ULK4: variants seen among roughly 807,000 people sequenced by gnomAD.
ULK4 encodes unc-51 like kinase 4.
In ULK4, 133 loss-of-function variants were observed where a neutral mutation model predicts 160.6. That is an observed-to-expected ratio of 0.83 (90% CI 0.72 to 0.96). ULK4 has a LOEUF of 0.96. Among genes scored for constraint, ULK4 ranks in the 40% least tolerant of loss-of-function variants. ULK4 has a pLI of 0.00. For synonymous variants in ULK4, 534 were observed against 539.8 expected, an observed-to-expected ratio of 0.99 and a Z score of 0.15; for missense variants, 1,580 against 1,499.5, an observed-to-expected ratio of 1.05 and a Z score of -0.89.
intron 30 of ULK4, among the ~76,000 whole-genome samples, chr3:41,626,699 T>C (rs2033527654): frequency 6.6e-6 from 1 of 152,090 alleles, no homozygotes; most frequent in Non-Finnish European, 1.5e-5. Flanking sequence ...TAATTTTTTT[T>C]GTACTTTTAG....
chr3:41,785,170 AC>A (rs2039964421), intron 21 of ULK4, among the ~76,000 whole-genome samples: 1 of 152,224 alleles, frequency 6.6e-6, no homozygotes, highest in Admixed American at 6.5e-5. Flanking sequence ...ATGAGTAGCA[AC>A]CAAAAAACAG....
chr3:41,611,035 G>C (rs2032649902), intron 31 of ULK4, among the ~76,000 whole-genome samples: 1 of 152,140 alleles, frequency 6.6e-6, no homozygotes, highest in Non-Finnish European at 1.5e-5. Flanking sequence ...AAAAAGTAGA[G>C]AGAAAAAATA....
chr3:41,882,001 ACAG>A, intron 17 of ULK4: 1 of 532,916 alleles, frequency 1.9e-6, no homozygotes, highest in Admixed American at 3.6e-5. Flanking sequence ...AGCAGCAGCA[ACAG>A]CAAGTACCAG....
At chr3:41,702,431 C>A (rs1207148089) in intron 27 of ULK4, among the ~76,000 whole-genome samples, 1 of 152,196 alleles carries the variant, frequency 6.6e-6, no homozygotes, top group Non-Finnish European at 1.5e-5. Context: ...AGGCATGAGT[C>A]ATCCCGCCTG....
intron 32 of ULK4, among the ~76,000 whole-genome samples, chr3:41,473,656 T>G: frequency 1.0e-5 from 1 of 99,038 alleles, no homozygotes; most frequent in Non-Finnish European, 1.8e-5. Flanking sequence ...AATGAGATTC[T>G]GTCTCAAAGA....
intron 32 of ULK4, among the ~76,000 whole-genome samples, chr3:41,513,160 A>T (rs2085644531): frequency 6.6e-6 from 1 of 152,208 alleles, no homozygotes; most frequent in Admixed American, 6.5e-5. Flanking sequence ...AGATGGATCA[A>T]AGACTTAAAT....
chr3:41,959,538 AT>A (rs759594233), intron 1 of ULK4, among the ~76,000 whole-genome samples: 1 of 117,080 alleles, frequency 8.5e-6, no homozygotes, highest in Non-Finnish European at 2.0e-5. Flanking sequence ...AATAATAATA[AT>A]TAATTAATTA....
intron 21 of ULK4, among the ~76,000 whole-genome samples, chr3:41,771,183 T>C (rs1008590817): frequency 1.3e-5 from 2 of 152,338 alleles, no homozygotes; most frequent in South Asian, 2.1e-4. Flanking sequence ...TTGTCAATTA[T>C]AAAATACCAC....
chr3:41,663,935 GT>G (rs2035269898), intron 29 of ULK4, among the ~76,000 whole-genome samples: 2 of 152,248 alleles, frequency 1.3e-5, no homozygotes, highest in South Asian at 4.1e-4. Context: ...AAACAACTCA[GT>G]AGTTGTCCTC....
intron 35 of ULK4, among the ~76,000 whole-genome samples, chr3:41,270,429 C>G (rs1559497551): frequency 6.6e-6 from 1 of 152,098 alleles, no homozygotes; most frequent in Non-Finnish European, 1.5e-5. Flanking sequence ...GGGTCTGGGT[C>G]CTTAGAGTCA....
rs149795222 is a variant in ULK4, at chr3:41,947,971, T to C, written c.138+6651A>G. Reference sequence around the variant, plus strand: ...CAGGAATAAGGCAAACAGAAAACAGTGGCCTTTCTATATCCATTAAAACTC... The same window carrying C: ...CAGGAATAAGGCAAACAGAAAACAGCGGCCTTTCTATATCCATTAAAACTC... On this transcript the variant is annotated intron_variant, in intron 2 of 36. Coordinates refer to ENST00000301831, the MANE Select transcript of ULK4 (RefSeq NM_017886.4). 3.1e-3 allele frequency among the ~76,000 whole-genome samples: 475 copies of C among 152,258 alleles called. 1 individual carries two copies. The highest frequency in any genetic ancestry group is 0.011 in the African/African-American group (451 of 41,552).
At chr3:41,809,886 A>G (rs1440497433) in intron 19 of ULK4, among the ~76,000 whole-genome samples, 1 of 152,222 alleles carries the variant, frequency 6.6e-6, no homozygotes, top group Non-Finnish European at 1.5e-5. Context: ...AATGTGAGGA[A>G]CATTAAATGA....
chr3:41,920,033 A>G lies in ULK4; in HGVS notation c.542-215T>C, dbSNP rs375093362. ...GAATATAAAAAAGTGTTTAAAATCT[A>G]CCTGAGAGGTATGGCACATTCAGCT... On this transcript the variant is annotated intron_variant, in intron 5 of 36. Transcript: ENST00000301831. Among the ~76,000 whole-genome samples the G allele has an allele frequency of 5.3e-5, 8 of 152,252 alleles. No homozygotes were observed. In the South Asian group the frequency reaches 1.7e-3, roughly 31 times the overall value.
chr3:41,896,923 T>C lies in ULK4; in HGVS notation c.1429A>G (p.Lys477Glu). The C allele has an allele frequency of 6.2e-7, 1 of 1,613,532 alleles. No homozygotes were observed. The highest frequency in any genetic ancestry group is 8.5e-7 in the Non-Finnish European group (1 of 1,179,878). Residue 477 changes from lysine to glutamate, a missense_variant, in exon 15 of 37, where the codon AAG (lysine) becomes GAG (glutamate). By Grantham distance (56) the Lys-to-Glu change is moderately conservative (BLOSUM62 1). Coordinates refer to ENST00000301831, the MANE Select transcript of ULK4 (RefSeq NM_017886.4). ...TTGGCTCGGGAGGCCCCCATGCTCT[T>C]CTCAGTGGAGTCGATCTGCGAGCAC... ...QVCSQIDSTE[K>E]SMGASRAKLN...
intron 21 of ULK4, among the ~76,000 whole-genome samples, chr3:41,759,327 ACATAC>A (rs2038911017): frequency 6.6e-6 from 1 of 152,236 alleles, no homozygotes; most frequent in African/African-American, 2.4e-5. Flanking sequence ...GTATATTTCA[ACATAC>A]CAATAATGAA....
intron 27 of ULK4, among the ~76,000 whole-genome samples, chr3:41,701,786 T>C (rs2036682638): frequency 6.6e-6 from 1 of 152,150 alleles, no homozygotes; most frequent in Non-Finnish European, 1.5e-5. Context: ...ATGAGGGGAC[T>C]AAGTGGAGTT....
At chr3:41,250,014 A>G (rs1211827862) in intron 35 of ULK4, among the ~76,000 whole-genome samples, 1 of 152,248 alleles carries the variant, frequency 6.6e-6, no homozygotes, top group Non-Finnish European at 1.5e-5. Context: ...AAGGATGCCA[A>G]GAAGGTGCCT....
intron 1 of ULK4, among the ~76,000 whole-genome samples, chr3:41,960,346 T>C (rs1007233818): frequency 6.6e-6 from 1 of 151,646 alleles, no homozygotes; most frequent in African/African-American, 2.4e-5. Flanking sequence ...TAGAGTAAAA[T>C]AAGAATTGGA....
chr3:41,641,079 C>A (rs887814047), intron 30 of ULK4, among the ~76,000 whole-genome samples: 1 of 152,158 alleles, frequency 6.6e-6, no homozygotes, highest in Non-Finnish European at 1.5e-5. Context: ...TTGACCCGGA[C>A]CCCAGCCTGA....
Sources: allele counts gnomAD v4.1 joint callset (sites outside exome capture counted in the v4.1 genomes callset), GRCh38; gene constraint gnomAD v4.1.1; transcripts MANE v1.5; gene names NCBI Gene and HGNC (gene_info 2026-07-23, HGNC 2026-07-21).